SMYD3: variants seen among roughly 807,000 people sequenced by gnomAD.
SMYD3 encodes the protein SET and MYND domain containing 3, also known as histone-lysine N-methyltransferase SMYD3.
In SMYD3, 36 loss-of-function variants were observed where a neutral mutation model predicts 57.7. The ratio of observed to expected loss-of-function variants is 0.62; its 90% CI spans 0.48 to 0.82. The LOEUF (loss-of-function observed/expected upper bound fraction) is 0.82. Among genes scored for constraint, SMYD3 ranks in the 40% least tolerant of loss-of-function variants. The probability of loss-of-function intolerance (pLI) is 0.00; values close to 1 mark genes in which losing one functional copy is unlikely to be tolerated. For missense variants in SMYD3, 515 were observed against 538.8 expected (o/e 0.96, Z 0.44); for synonymous variants, 211 against 195.0 (o/e 1.08, Z -0.68).
At chr1:246,070,686 G>A (rs573224162) in intron 5 of SMYD3, among the ~76,000 whole-genome samples, 1 of 152,300 alleles carries the variant, frequency 6.6e-6, no homozygotes, top group Admixed American at 6.5e-5. Flanking sequence ...AAAGTGGAGA[G>A]GGAGCCATTG....
At chr1:245,979,148 T>C (rs144887394) in intron 5 of SMYD3, among the ~76,000 whole-genome samples, 247 of 152,224 alleles carry the variant, frequency 1.6e-3, no homozygotes, top group African/African-American at 5.7e-3. Flanking sequence ...CTCTCTGTCA[T>C]CACACAGAAA....
At chr1:246,499,291 G>A (rs1350883769) in intron 1 of SMYD3, among the ~76,000 whole-genome samples, 1 of 151,526 alleles carries the variant, frequency 6.6e-6, no homozygotes, top group Non-Finnish European at 1.5e-5. Context: ...GCAACAAAGC[G>A]AGACTCTATC....
At chr1:246,076,227 C>G (rs1335937192) in intron 5 of SMYD3, among the ~76,000 whole-genome samples, 1 of 152,110 alleles carries the variant, frequency 6.6e-6, no homozygotes, top group African/African-American at 2.4e-5. Context: ...AGACAAAATA[C>G]CAAACCCGTC....
chr1:245,833,410 C>G (rs767509730), intron 10 of SMYD3, among the ~76,000 whole-genome samples: 5 of 152,236 alleles, frequency 3.3e-5, no homozygotes, highest in Non-Finnish European at 7.3e-5. Context: ...CTTTTCTTGA[C>G]AGTCTTGAAG....
chr1:246,465,261 T>C (rs995766538), intron 1 of SMYD3, among the ~76,000 whole-genome samples: 1 of 152,226 alleles, frequency 6.6e-6, no homozygotes, highest in Non-Finnish European at 1.5e-5. Flanking sequence ...CCAAGGGATA[T>C]GGCAGGAGAT....
At chr1:246,271,184 T>C (rs1011380694) in intron 5 of SMYD3, among the ~76,000 whole-genome samples, 1 of 152,238 alleles carries the variant, frequency 6.6e-6, no homozygotes, top group Non-Finnish European at 1.5e-5. Context: ...TTCTTAATTA[T>C]ATATTTTGAT....
chr1:246,414,385 A>G (rs1030643039), intron 1 of SMYD3, among the ~76,000 whole-genome samples: 1 of 152,236 alleles, frequency 6.6e-6, no homozygotes, highest in African/African-American at 2.4e-5. Flanking sequence ...GCCCTGAAGC[A>G]AGCATTGGAC....
intron 5 of SMYD3, among the ~76,000 whole-genome samples, chr1:245,958,032 G>T (rs1192965000): frequency 1.3e-5 from 2 of 152,158 alleles, no homozygotes; most frequent in Non-Finnish European, 2.9e-5. Flanking sequence ...AAAAAAGCGG[G>T]GGGGAGAAAC....
chr1:245,812,628 A>G (rs2048536470), intron 10 of SMYD3, among the ~76,000 whole-genome samples: 1 of 150,956 alleles, frequency 6.6e-6, no homozygotes, highest in African/African-American at 2.4e-5. Flanking sequence ...TGGTCAGAGT[A>G]GCCCAAGAGA....
At chr1:246,286,116 A>T (rs76909574) in intron 5 of SMYD3, among the ~76,000 whole-genome samples, 5,130 of 152,310 alleles carry the variant, frequency 0.034, 142 homozygotes, top group South Asian at 0.058. Context: ...ACTACCATCC[A>T]GCAATCCCAC....
intron 1 of SMYD3, among the ~76,000 whole-genome samples, chr1:246,364,232 A>ATTGT (rs2066059903): frequency 6.6e-6 from 1 of 152,114 alleles, no homozygotes; most frequent in Non-Finnish European, 1.5e-5. Flanking sequence ...CAAAAAAAAA[A>ATTGT]AAAAAAACCT....
chr1:246,327,743 T>C (rs1048620865), intron 4 of SMYD3, among the ~76,000 whole-genome samples: 1 of 152,144 alleles, frequency 6.6e-6, no homozygotes, highest in African/African-American at 2.4e-5. Context: ...ACTAAACTAA[T>C]AAACAGCATC....
intron 8 of SMYD3, among the ~76,000 whole-genome samples, chr1:245,892,012 G>C: frequency 6.6e-6 from 1 of 152,146 alleles, no homozygotes; most frequent in Non-Finnish European, 1.5e-5. Flanking sequence ...CAGCCTGGGC[G>C]AAAGAGTGAC....
intron 5 of SMYD3, among the ~76,000 whole-genome samples, chr1:246,074,956 G>A (rs1233069721): frequency 2.1e-5 from 3 of 146,116 alleles, no homozygotes; most frequent in Non-Finnish European, 4.5e-5. Flanking sequence ...ACACACTTCA[G>A]AGGAATATAA....
At chr1:246,391,756 C>T (rs1049347126) in intron 1 of SMYD3, among the ~76,000 whole-genome samples, 31 of 152,116 alleles carry the variant, frequency 2.0e-4, no homozygotes, top group Admixed American at 1.6e-3. Context: ...GAAGAATTTT[C>T]TGAGCATTAA....
intron 5 of SMYD3, among the ~76,000 whole-genome samples, chr1:245,991,554 A>T (rs1216541782): frequency 2.0e-5 from 3 of 152,160 alleles, no homozygotes; most frequent in African/African-American, 7.2e-5. Flanking sequence ...AGATGGACAA[A>T]GGCTGGGGCA....
At chr1:246,351,440 C>T (rs184899834) in intron 2 of SMYD3, among the ~76,000 whole-genome samples, 59 of 152,234 alleles carry the variant, frequency 3.9e-4, no homozygotes, top group African/African-American at 1.4e-3. Context: ...AAATTTTAGC[C>T]TGCTCCTCCT....
intron 10 of SMYD3, among the ~76,000 whole-genome samples, chr1:245,816,260 G>A (rs191242796): frequency 5.9e-5 from 9 of 152,108 alleles, no homozygotes; most frequent in Admixed American, 3.3e-4. Flanking sequence ...CAGTTTAGAC[G>A]GCAGCAGCAA....
chr1:245,962,028 A>T (rs1192599918), intron 5 of SMYD3, among the ~76,000 whole-genome samples: 1 of 152,166 alleles, frequency 6.6e-6, no homozygotes, highest in Non-Finnish European at 1.5e-5. Flanking sequence ...TGAGGCTCAG[A>T]GCAGCCTGGC....
Sources: gnomAD v4.1 joint callset for allele counts (sites outside exome capture counted in the v4.1 genomes callset) on GRCh38, gnomAD v4.1.1 for gene constraint, MANE v1.5 for transcripts, NCBI Gene and HGNC (gene_info 2026-07-23, HGNC 2026-07-21) for gene names.